KASH5: variants seen among roughly 807,000 people sequenced by gnomAD.
KASH5 encodes KASH domain containing 5.
In KASH5, 72 loss-of-function variants were observed where a neutral mutation model predicts 84.2. That is an observed-to-expected ratio of 0.85 (90% CI 0.71 to 1.04). KASH5 has a LOEUF of 1.04. Ranked by LOEUF, KASH5 falls within the 50% of genes least tolerant of loss-of-function variation. The pLI, the probability that KASH5 is intolerant of heterozygous loss-of-function variation, is 0.00. For synonymous variants in KASH5, 260 were observed against 279.1 expected (o/e 0.93, Z 0.68); for missense variants, 650 against 701.0 (o/e 0.93, Z 0.82).
intron 3 of KASH5, 26 bp downstream of exon 3, chr19:49,394,606 G>A (rs771179438): frequency 3.2e-6 from 5 of 1,566,478 alleles, no homozygotes; most frequent in Non-Finnish European, 4.4e-6. Flanking sequence ...GGGGTGCTGG[G>A]GACCAGTGCG....
intron 2 of KASH5, chr19:49,391,710 T>A (rs1019695781): frequency 2.0e-5 from 3 of 152,242 alleles, no homozygotes; most frequent in Non-Finnish European, 4.4e-5. Flanking sequence ...GAGACTGCCC[T>A]GTTGGCTGGG....
At chr19:49,405,980 T>C (rs1809802556) in intron 9 of KASH5, among the ~76,000 whole-genome samples, 1 of 128,100 alleles carries the variant, frequency 7.8e-6, no homozygotes, top group Non-Finnish European at 1.6e-5. Context: ...AAAAAAAAAT[T>C]AGCTGGGTGT....
At chr19:49,389,315 CCAGA>C (rs1463666942) in intron 1 of KASH5, among the ~76,000 whole-genome samples, 1 of 150,638 alleles carries the variant, frequency 6.6e-6, no homozygotes, top group Admixed American at 6.6e-5. Context: ...CAAAATCCAG[CCAGA>C]CACTCCCCAG....
Position 49,415,003 on chromosome 19 carries a change from A to C in KASH5, c.1374+7A>C, listed in dbSNP as rs1340328093. ...TGCAGAGAGCCAGGTCACGGTAGGC[A>C]GTCCCCAGCACCCCTCCCCAGTCCC... On this transcript the variant is annotated splice_region_variant and intron_variant, in intron 17 of 19. Coordinates refer to ENST00000447857, the MANE Select transcript of KASH5 (RefSeq NM_144688.5). The C allele has an allele frequency of 6.2e-7, 1 of 1,611,172 alleles. No homozygotes were observed. Among genetic ancestry groups the C allele is most frequent in the South Asian group, 1.1e-5 (1 of 90,140 alleles).
chr19:49,390,613 G>A (rs754118830), intron 1 of KASH5, among the ~76,000 whole-genome samples, 176 bp from the exon 2 acceptor site: 26 of 147,876 alleles, frequency 1.8e-4, no homozygotes, highest in South Asian at 9.1e-4. Flanking sequence ...CAGCCACCTC[G>A]TTCTCCAGCC....
Position 49,395,686 on chromosome 19 carries a change from C to T in KASH5, c.336-83C>T. The stretch of plus-strand genomic sequence containing the variant: ...TCTCACCTGACCCGGTCCCCTCCTC[C>T]CACCTGCAATCCCCCTGCCTGTGGC... On this transcript the variant is annotated intron_variant, in intron 4 of 19. Coordinates refer to ENST00000447857, the MANE Select transcript of KASH5 (RefSeq NM_144688.5). The surrounding 1 kb of genome is among the most constrained non-coding windows in gnomAD (Gnocchi z 4.4). 1 of 1,409,564 alleles carries T rather than the reference C, an allele frequency of 7.1e-7. No homozygotes were observed. The highest frequency in any genetic ancestry group is 9.8e-7 in the Non-Finnish European group (1 of 1,022,204). The allele number at this position is 1,409,564 out of a possible 1,614,324, so 87.3% of individuals were successfully genotyped here. A position where few individuals can be genotyped will look rare whatever the true frequency, so the allele number is the denominator to read the frequency against.
At position 49,392,263 on chromosome 19, in the gene KASH5, C is replaced by T. The variant is rs560828940; in HGVS notation, c.43+1337C>T. 6.6e-5 allele frequency among the ~76,000 whole-genome samples: 10 copies of T among 152,098 alleles called. No individual in the cohort carries two copies. The South Asian group carries it at 2.1e-3, about 32-fold the overall frequency. ...AGATATGGGAAGGGAAGCACAGAGA[C>T]TGAGATACAGGGAAGAAAACGGGGA... On this transcript the variant is annotated intron_variant, in intron 2 of 19. Coordinates refer to ENST00000447857, the MANE Select transcript of KASH5 (RefSeq NM_144688.5).
chr19:49,394,524 G>C lies in KASH5; in HGVS notation c.92G>C (p.Ser31Thr). 2 of 1,613,822 alleles carry C rather than the reference G, an allele frequency of 1.2e-6. No individual in the cohort carries two copies. The highest frequency in any genetic ancestry group is 1.7e-6 in the Non-Finnish European group (2 of 1,179,870). The change falls in exon 3 of 20, where the codon AGC becomes ACC. Residue 31 changes from serine (S) to threonine (T), a missense_variant. Transcript: ENST00000447857. ...GAGGCAAGGCTGGGAATGCCGGTCA[G>C]CTTGGAGGAGCAAATACTCAACTCC... ...PEEARLGMPV[S>T]LEEQILNSTF...
chr19:49,396,242 ACTTTT>A lies in KASH5; in HGVS notation c.400+410_400+414del, dbSNP rs1568611448. 4.1e-5 allele frequency among the ~76,000 whole-genome samples: 5 copies of A among 122,902 alleles called. 1 individual carries two copies. Among genetic ancestry groups the A allele is most frequent in the South Asian group, 2.5e-4 (1 of 3,942 alleles). The allele number at this position is 122,902 out of a possible 152,430, so 80.6% of individuals were successfully genotyped here. A position where few individuals can be genotyped will look rare whatever the true frequency, so the allele number is the denominator to read the frequency against. On this transcript the variant is annotated intron_variant, in intron 5 of 19. Transcript: ENST00000447857. ...CACTCCTTGCTCCCCACCCTGCTGG[ACTTTT>A]TTTTTTTTTTTTTTTTTTTTTTTGA... is the stretch of plus-strand genomic sequence containing the variant.
In KASH5 at chr19:49,417,181, C is replaced by G. The variant is rs1456141684; in HGVS notation, c.1462C>G (p.Gln488Glu). ...CAGACCTGCGCGGCGGGAACTCCAG[C>G]AAGCCCTGGTGCCTGTGATGAAAAA... is the stretch of plus-strand genomic sequence containing the variant. ...PERPARRELQ[Q>E]ALVPVMKKLV... The change falls in exon 19 of 20, where the codon CAA becomes GAA. Residue 488 changes from glutamine to glutamate, a missense_variant. Coordinates refer to ENST00000447857, the MANE Select transcript of KASH5 (RefSeq NM_144688.5). This position sits in a 1 kb window ranked among gnomAD's most constrained non-coding sequence, Gnocchi z 5.2. 3.1e-6 allele frequency: 5 copies of G among 1,613,856 alleles called. No individual in the cohort carries two copies. In the South Asian group the frequency reaches 4.4e-5, roughly 14 times the overall value.
At chr19:49,394,223 G>C (rs1178169942) in intron 2 of KASH5, among the ~76,000 whole-genome samples, 2 of 152,162 alleles carry the variant, frequency 1.3e-5, no homozygotes, top group Admixed American at 1.3e-4. Flanking sequence ...TCTTCTCTGG[G>C]CTCCTAAGCC....
intron 9 of KASH5, among the ~76,000 whole-genome samples, chr19:49,402,525 G>A (rs1974394518): frequency 2.0e-5 from 3 of 152,092 alleles, no homozygotes; most frequent in Admixed American, 2.0e-4. Context: ...TGACCAACAT[G>A]GTGAAACCCC....
rs1430081300 is a variant in KASH5 at position 49,414,806 on chromosome 19, G to A, written c.1329-145G>A. ...TGCCTGGCCTCCCCCAGGCCCGTCC[G>A]TGCTGCCTGGCCTCCCCCAGGCCCG... is the stretch of plus-strand genomic sequence containing the variant. On this transcript the variant is annotated intron_variant, in intron 16 of 19. Coordinates refer to ENST00000447857, the MANE Select transcript of KASH5 (RefSeq NM_144688.5). This position sits in a 1 kb window ranked among gnomAD's most constrained non-coding sequence, Gnocchi z 4.5. 8 of 699,116 alleles carry A rather than the reference G, an allele frequency of 1.1e-5. No homozygotes were observed. Among genetic ancestry groups the A allele is most frequent in the Middle Eastern group, 3.5e-4 (1 of 2,878 alleles). The allele number at this position is 699,116 out of a possible 1,614,324, so 43.3% of individuals were successfully genotyped here.
rs770780053 is a variant in KASH5, at chr19:49,398,064, C to A, written c.550C>A (p.Gln184Lys). Residue 184 changes from glutamine (Q) to lysine (K), a missense_variant, in exon 7 of 20, where the codon CAG (glutamine) becomes AAG (lysine). Coordinates refer to ENST00000447857, the MANE Select transcript of KASH5 (RefSeq NM_144688.5). ...TCTGGTTGGGGAGAATGCCAAATTGCAGCGGAGCATGGAGACAGCTGAGGA... is the reference window on the plus strand; with the variant it reads ...TCTGGTTGGGGAGAATGCCAAATTGAAGCGGAGCATGGAGACAGCTGAGGA... ...RRLVGENAKL[Q>K]RSMETAEEGS... 1 of 1,613,572 alleles carries A rather than the reference C, an allele frequency of 6.2e-7. No homozygotes were observed. The highest frequency in any genetic ancestry group is 2.2e-5 in the East Asian group (1 of 44,860).
At chr19:49,415,185 G>T in intron 17 of KASH5, 189 bp downstream of exon 17, 2 of 655,600 alleles carry the variant, frequency 3.1e-6, no homozygotes, top group South Asian at 1.9e-5. Context: ...GTGGGGGGAG[G>T]CCTGGAGGCT....
chr19:49,406,836 T>G, intron 9 of KASH5, 50 bp from the exon 10 acceptor site: 1 of 1,514,540 alleles, frequency 6.6e-7, no homozygotes, highest in Non-Finnish European at 9.0e-7. Flanking sequence ...CTGTTAATTT[T>G]GACATTACCA....
At chr19:49,400,443 G>T (rs558560319) in intron 9 of KASH5, among the ~76,000 whole-genome samples, 1 of 146,756 alleles carries the variant, frequency 6.8e-6, no homozygotes, top group African/African-American at 2.5e-5. Flanking sequence ...TTACCTCATG[G>T]CAACCACCGT....
At chr19:49,390,995 C>A in intron 2 of KASH5, 69 bp downstream of exon 2, 1 of 1,552,226 alleles carries the variant, frequency 6.4e-7, no homozygotes, top group Non-Finnish European at 8.8e-7. Context: ...GGGTGCCAGG[C>A]TGTGACTCGG....
rs375498728 is a variant in KASH5 at position 49,399,136 on chromosome 19, G to A, written c.741G>A (p.Arg247=). ...EQNRSLLAQA[R]QAEKEQQHLV... ...ATCGCAGCCTTCTGGCCCAAGCCCG[G>A]CAGGCGGTGGGTCTGGCCCAGGGGA... The change falls in exon 8 of 20, where the codon CGG becomes CGA. Residue 247 remains arginine (R), a synonymous_variant. Transcript: ENST00000447857. This position sits in a 1 kb window ranked among gnomAD's most constrained non-coding sequence, Gnocchi z 4.4. The A allele has an allele frequency of 2.8e-5, 44 of 1,549,524 alleles. No homozygotes were observed. The African/African-American group carries it at 5.5e-4, about 19-fold the overall frequency.
Sources: allele counts gnomAD v4.1 joint callset (sites outside exome capture counted in the v4.1 genomes callset), GRCh38; gene constraint gnomAD v4.1.1; non-coding constraint Gnocchi (gnomAD v3.1); transcripts MANE v1.5; gene names NCBI Gene and HGNC (gene_info 2026-07-23, HGNC 2026-07-21).